CHST6: variants seen among roughly 807,000 people sequenced by gnomAD.
The protein encoded by CHST6 is N-acetylglucosamine 6-O-sulfotransferase 5.
For synonymous variants in CHST6, 309 were observed against 276.4 expected (o/e 1.12, Z -1.17); for missense variants, 698 against 586.2 (o/e 1.19, Z -1.97).
intron 1 of CHST6, among the ~76,000 whole-genome samples, chr16:75,490,415 T>C (rs1343200932): frequency 6.6e-6 from 1 of 151,640 alleles, no homozygotes; most frequent in African/African-American, 2.4e-5. Context: ...GAGGCAGAGG[T>C]TGTGGTGAGC....
rs746649369 is a variant in CHST6, at chr16:75,479,808, G to A, written c.21C>T (p.Ser7=). ...GGAGGAGCGCGGTCACTGCTGTGCT[G>A]GAGACGCGCGGCAGCCACATGCTGA... MWLPRV[S]STAVTALLLA... Residue 7 remains serine, a synonymous_variant, in exon 3 of 3, where the codon TCC becomes TCT. Coordinates refer to ENST00000332272, the MANE Select transcript of CHST6 (RefSeq NM_021615.5). 3.5e-5 allele frequency: 55 copies of A among 1,565,348 alleles called. No individual in the cohort carries two copies. Among genetic ancestry groups the A allele is most frequent in the Non-Finnish European group, 4.8e-5 (55 of 1,157,268 alleles).
intron 2 of CHST6, 32 bp downstream of exon 2, chr16:75,481,785 G>A (rs1432491189): frequency 4.1e-6 from 2 of 484,706 alleles, no homozygotes; most frequent in African/African-American, 2.0e-5. Context: ...GGTGAGAGCA[G>A]AGGACTGTCC....
At chr16:75,491,206 T>C (rs1346735209) in intron 1 of CHST6, among the ~76,000 whole-genome samples, 31 of 125,440 alleles carry the variant, frequency 2.5e-4, no homozygotes, top group Non-Finnish European at 4.5e-4. Context: ...TATATATATA[T>C]ATATATATAT....
chr16:75,492,805 C>G (rs536497123), intron 1 of CHST6, among the ~76,000 whole-genome samples: 3 of 152,018 alleles, frequency 2.0e-5, no homozygotes, highest in Admixed American at 2.0e-4. Context: ...GCTGAGATCA[C>G]GCCACTGCAC....
chr16:75,479,731 G>T lies in CHST6; in HGVS notation c.98C>A (p.Ser33Tyr), dbSNP rs753833213. 3 of 1,607,286 alleles carry T rather than the reference G, an allele frequency of 1.9e-6. No homozygotes were observed. The highest frequency in any genetic ancestry group is 2.5e-6 in the Non-Finnish European group (3 of 1,176,968). Residue 33 changes from serine (S) to tyrosine (Y), a missense_variant, in exon 3 of 3, where the codon TCC becomes TAC. Physicochemically the swap from Ser to Tyr is moderately radical, Grantham distance 144 (BLOSUM62 -2). Coordinates refer to ENST00000332272, the MANE Select transcript of CHST6 (RefSeq NM_021615.5). Reference sequence around the variant, plus strand: ...CACGCGCGCCTCGCCGCCTGCTGGGGACGAGGGCCCTGGCCGGGAAACCAG... The same window carrying T: ...CACGCGCGCCTCGCCGCCTGCTGGGTACGAGGGCCCTGGCCGGGAAACCAG... ...LFLVSRPGPS[S>Y]PAGGEARVHV...
intron 1 of CHST6, among the ~76,000 whole-genome samples, chr16:75,491,393 G>A (rs569602478): frequency 1.7e-4 from 26 of 151,002 alleles, no homozygotes; most frequent in Admixed American, 5.3e-4. Flanking sequence ...TTTTTGAGAC[G>A]GAGTCTTGCT....
At position 75,478,804 on chromosome 16, in the gene CHST6, A is replaced by C; in HGVS notation, c.1025T>G (p.Ile342Ser). The change falls in exon 3 of 3, where the codon ATC becomes AGC. Residue 342 changes from isoleucine (I) to serine (S), a missense_variant. Transcript: ENST00000332272. ...AGCGCACAGTTCCTGCACGCGGCGG[A>C]TCTTGGCAAAGGGCAGCGCATGGCG... ...AWRHALPFAK[I>S]RRVQELCAGA... 6.2e-7 allele frequency: 1 copy of C among 1,613,492 alleles called. No homozygotes were observed. The highest frequency in any genetic ancestry group is 8.5e-7 in the Non-Finnish European group (1 of 1,179,990).
rs527884169 is a variant in CHST6, at chr16:75,479,143, T to C, written c.686A>G (p.Asn229Ser). The C allele has an allele frequency of 4.0e-5, 64 of 1,606,888 alleles. 1 individual carries two copies. The South Asian group carries it at 6.0e-4, about 15-fold the overall frequency. The change falls in exon 3 of 3, where the codon AAC (asparagine) becomes AGC (serine). Residue 229 changes from asparagine to serine, a missense_variant. Physicochemically the swap from Asn to Ser is conservative, Grantham distance 46. Coordinates refer to ENST00000332272, the MANE Select transcript of CHST6 (RefSeq NM_021615.5). ...ARDNGIVLGT[N>S]GTWVEADPGL... is the part of the protein sequence containing the mutation. The stretch of plus-strand genomic sequence containing the variant: ...GGGGTCGGCCTCCACCCACGTGCCG[T>C]TGGTGCCCAGCACGATGCCGTTGTC...
At chr16:75,481,466 C>G (rs979986277) in intron 2 of CHST6, among the ~76,000 whole-genome samples, 4 of 151,510 alleles carry the variant, frequency 2.6e-5, no homozygotes, top group African/African-American at 9.7e-5. Context: ...CATGGTGGTG[C>G]ATGTCTGTAG....
At position 75,478,232 on chromosome 16, in the gene CHST6, C is replaced by A. The variant is rs574807192; in HGVS notation, c.*409G>T. 1.8e-5 allele frequency: 6 copies of A among 327,312 alleles called. No homozygotes were observed. Among genetic ancestry groups the A allele is most frequent in the South Asian group, 1.4e-4 (5 of 35,978 alleles). 20.3% of individuals were successfully genotyped at this position (327,312 alleles called of 1,614,324 possible). ...CCTGTGTGCATATGTATGTGATGTA[C>A]AGACCTCTGGAGCCATTTCACCACA... On this transcript the variant is annotated 3_prime_UTR_variant, in exon 3 of 3. Coordinates refer to ENST00000332272, the MANE Select transcript of CHST6 (RefSeq NM_021615.5).
intron 1 of CHST6, among the ~76,000 whole-genome samples, chr16:75,487,556 T>C (rs1190688896): frequency 1.3e-5 from 2 of 151,822 alleles, no homozygotes; most frequent in African/African-American, 4.8e-5. Context: ...ATCATAGCAC[T>C]TGGGAGGCTG....
At position 75,479,222 on chromosome 16, in the gene CHST6, C is replaced by G; in HGVS notation, c.607G>C (p.Asp203His). ...LNLRIVHLVRDPRAVLRSREQ... is the reference protein window; with the variant it reads ...LNLRIVHLVRHPRAVLRSREQ... Reference sequence around the variant, plus strand: ...CGGGAGCGCAGCACGGCCCGCGGGTCGCGCACCAGGTGCACGATGCGTAGG... The same window carrying G: ...CGGGAGCGCAGCACGGCCCGCGGGTGGCGCACCAGGTGCACGATGCGTAGG... The change falls in exon 3 of 3, where the codon GAC (aspartate) becomes CAC (histidine). Residue 203 changes from aspartate (D) to histidine (H), a missense_variant. Transcript: ENST00000332272. The G allele has an allele frequency of 6.2e-7, 1 of 1,610,528 alleles. No individual in the cohort carries two copies. The highest frequency in any genetic ancestry group is 8.5e-7 in the Non-Finnish European group (1 of 1,179,562).
rs1002597115 is a variant in CHST6 at position 75,473,028 on chromosome 16, C to G, written c.*5613G>C. 6.6e-6 allele frequency: 1 copy of G among 152,154 alleles called. No individual in the cohort carries two copies. Among genetic ancestry groups the G allele is most frequent in the Non-Finnish European group, 1.5e-5 (1 of 68,056 alleles). 9.4% of individuals were successfully genotyped at this position (152,154 alleles called of 1,614,324 possible). ...CTACCAGCAGGGAGGGAGCCTGGAC[C>G]CTGGTGGAAATTGGAAGCTGCAGGT... On this transcript the variant is annotated 3_prime_UTR_variant, in exon 3 of 3. Coordinates refer to ENST00000332272, the MANE Select transcript of CHST6 (RefSeq NM_021615.5).
intron 1 of CHST6, among the ~76,000 whole-genome samples, chr16:75,488,375 G>A (rs2080223414): frequency 6.6e-6 from 1 of 151,968 alleles, no homozygotes; most frequent in Non-Finnish European, 1.5e-5. Context: ...GCTGAGGCAG[G>A]AGAATTGTTT....
Position 75,495,420 on chromosome 16 carries a change from G to C in CHST6, c.-572C>G, listed in dbSNP as rs2080299580. On this transcript the variant is annotated 5_prime_UTR_variant, in exon 1 of 3. Coordinates refer to ENST00000332272, the MANE Select transcript of CHST6 (RefSeq NM_021615.5). ...GAGCGCACACAATGAGGCGCTTTCA[G>C]ACGTGGCTGCGGTCCCGAGGTGGCC... 1 of 152,286 alleles carries C rather than the reference G, an allele frequency of 6.6e-6. No homozygotes were observed. The highest frequency in any genetic ancestry group is 2.1e-4 in the South Asian group (1 of 4,838). The allele number at this position is 152,286 out of a possible 1,614,324, so 9.4% of individuals were successfully genotyped here.
intron 1 of CHST6, among the ~76,000 whole-genome samples, chr16:75,484,040 T>A (rs957421196): frequency 1.4e-5 from 2 of 147,422 alleles, no homozygotes; most frequent in African/African-American, 2.5e-5. Flanking sequence ...AAATAAATAA[T>A]AAATAAATAA....
In CHST6 at chr16:75,479,714, C is replaced by G. The variant is rs760172031; in HGVS notation, c.115G>C (p.Ala39Pro). The change falls in exon 3 of 3, where the codon GCG becomes CCG. Residue 39 changes from alanine to proline, a missense_variant. Transcript: ENST00000332272. ...PGPSSPAGGE[A>P]RVHVLVLSSW... Reference sequence around the variant, plus strand: ...GACAGCACCAGCACATGCACGCGCGCCTCGCCGCCTGCTGGGGACGAGGGC... The same window carrying G: ...GACAGCACCAGCACATGCACGCGCGGCTCGCCGCCTGCTGGGGACGAGGGC... The G allele has an allele frequency of 4.5e-5, 72 of 1,609,100 alleles. No individual in the cohort carries two copies. Among genetic ancestry groups the G allele is most frequent in the Non-Finnish European group, 5.9e-5 (69 of 1,177,912 alleles).
At position 75,478,893 on chromosome 16, in the gene CHST6, A is replaced by G. The variant is rs765622262; in HGVS notation, c.936T>C (p.Pro312=). The part of the protein sequence containing the change: ...WIHNITHGSG[P]GARREAFKTS... ...TCTTGAAGGCTTCGCGGCGCGCACC[A>G]GGTCCAGATCCGTGGGTGATGTTAT... The change falls in exon 3 of 3, where the codon CCT becomes CCC. Residue 312 remains proline (P), a synonymous_variant. Coordinates refer to ENST00000332272, the MANE Select transcript of CHST6 (RefSeq NM_021615.5). 3 of 1,613,262 alleles carry G rather than the reference A, an allele frequency of 1.9e-6. No homozygotes were observed. Among genetic ancestry groups the G allele is most frequent in the Non-Finnish European group, 1.7e-6 (2 of 1,179,978 alleles).
Position 75,474,275 on chromosome 16 carries a change from A to G in CHST6, c.*4366T>C, listed in dbSNP as rs37606. On this transcript the variant is annotated 3_prime_UTR_variant, in exon 3 of 3. Coordinates refer to ENST00000332272, the MANE Select transcript of CHST6 (RefSeq NM_021615.5). ...TTGTTTTGCTATAACAATACCACAGATGGGGTCATTTATTTAGAGATAGGT... is the reference window on the plus strand; with the variant it reads ...TTGTTTTGCTATAACAATACCACAGGTGGGGTCATTTATTTAGAGATAGGT... The G allele has an allele frequency of 0.4, 108,866 of 273,964 alleles. 22,358 individuals are homozygous for G. The highest frequency in any genetic ancestry group is 0.44 in the South Asian group (2,587 of 5,894). The allele number at this position is 273,964 out of a possible 1,614,324, so 17.0% of individuals were successfully genotyped here. A position where few individuals can be genotyped will look rare whatever the true frequency, so the allele number is the denominator to read the frequency against.
Sources: allele counts gnomAD v4.1 joint callset (sites outside exome capture counted in the v4.1 genomes callset), GRCh38; gene constraint gnomAD v4.1.1; transcripts MANE v1.5; gene names NCBI Gene and HGNC (gene_info 2026-07-23, HGNC 2026-07-21).